Variants in WDR17 observed in about 807,000 individuals in gnomAD.
WDR17 encodes WD repeat-containing protein 17.
Under a neutral mutation model 161.7 loss-of-function variants are expected in WDR17, and 143 were observed. That is an observed-to-expected ratio of 0.88 (90% CI 0.77 to 1.02). WDR17 has a LOEUF of 1.02. WDR17 is among the 50% of genes least tolerant of loss of function. WDR17 has a pLI of 0.00. For synonymous variants in WDR17, 517 were observed against 515.6 expected (o/e 1.00, Z -0.04); for missense variants, 1,469 against 1,520.9 (o/e 0.97, Z 0.57).
At chr4:176,079,528 C>G (rs1329701595) in intron 1 of WDR17, among the ~76,000 whole-genome samples, 1 of 152,074 alleles carries the variant, frequency 6.6e-6, no homozygotes. Context: ...ACTAAAATGT[C>G]AACATACACA....
At chr4:176,114,527 A>G (rs1740282144) in intron 2 of WDR17, among the ~76,000 whole-genome samples, 1 of 152,108 alleles carries the variant, frequency 6.6e-6, no homozygotes, top group African/African-American at 2.4e-5. Context: ...TATTCTTTCA[A>G]TATTAACTGA....
At chr4:176,113,210 C>T (rs1000847139) in intron 2 of WDR17, among the ~76,000 whole-genome samples, 4 of 151,982 alleles carry the variant, frequency 2.6e-5, no homozygotes, top group Non-Finnish European at 5.9e-5. Context: ...CCCACCTACA[C>T]AATTTCTCTC....
chr4:176,082,791 A>G (rs1734915636), intron 1 of WDR17, among the ~76,000 whole-genome samples: 1 of 150,248 alleles, frequency 6.7e-6, no homozygotes, highest in South Asian at 2.1e-4. Flanking sequence ...ATTTTACAAA[A>G]TGCTTTTCAT....
chr4:176,098,960 AT>A (rs1737357073), intron 1 of WDR17, among the ~76,000 whole-genome samples: 1 of 152,090 alleles, frequency 6.6e-6, no homozygotes, highest in South Asian at 2.1e-4. Flanking sequence ...GGTACACCAA[AT>A]TTTATGTCAA....
At chr4:176,119,783 A>G (rs951800162) in intron 3 of WDR17, 84 bp from the exon 4 acceptor site, 2 of 1,195,208 alleles carry the variant, frequency 1.7e-6, no homozygotes, top group African/African-American at 3.1e-5. Flanking sequence ...AATTTGTTTT[A>G]GAAATGTAAA....
intron 1 of WDR17, among the ~76,000 whole-genome samples, chr4:176,085,254 T>G (rs1446676666): frequency 6.6e-6 from 1 of 152,116 alleles, no homozygotes; most frequent in Non-Finnish European, 1.5e-5. Context: ...ACTTTTTTGT[T>G]TAAGATTTTT....
intron 1 of WDR17, among the ~76,000 whole-genome samples, chr4:176,073,332 C>T (rs1056881757): frequency 1.4e-4 from 22 of 152,218 alleles, no homozygotes; most frequent in Admixed American, 1.4e-3. Context: ...TCAATTCCCA[C>T]CTATGAGTGA....
intron 18 of WDR17, among the ~76,000 whole-genome samples, chr4:176,158,472 C>A (rs2126840231): frequency 6.6e-6 from 1 of 152,284 alleles, no homozygotes; most frequent in East Asian, 1.9e-4. Flanking sequence ...AAAACAACAA[C>A]AACAGCAAAA....
rs779966222 is a variant in WDR17, at chr4:176,131,733, G to T, written c.1093G>T (p.Asp365Tyr). The change falls in exon 7 of 29, where the codon GAC becomes TAC. Residue 365 changes from aspartate (D) to tyrosine (Y), a missense_variant. Physicochemically the swap from Asp to Tyr is radical, Grantham distance 160 (BLOSUM62 -3). Transcript: ENST00000508596. ...MGAKKWDFLR[D>Y]LGHVETIFDC... ...AGCTAAGAAGTGGGATTTTCTTAGA[G>T]ACTTGGTATGTATGTAGTCATTCCT... 8 of 1,609,780 alleles carry T rather than the reference G, an allele frequency of 5.0e-6. No homozygotes were observed. The East Asian group carries it at 1.6e-4, about 32-fold the overall frequency.
At chr4:176,074,810 C>CTTTTTTTTTTTT (rs386357678) in intron 1 of WDR17, among the ~76,000 whole-genome samples, 134 of 79,176 alleles carry the variant, frequency 1.7e-3, no homozygotes, top group Non-Finnish European at 1.9e-3. Flanking sequence ...TTTTTTAATG[C>CTTTTTTTTTTTT]TTTTTTTTTT....
intron 1 of WDR17, 185 bp from the exon 2 acceptor site, chr4:176,111,390 C>G (rs553864904): frequency 6.9e-6 from 3 of 435,280 alleles, no homozygotes; most frequent in African/African-American, 4.1e-5. Flanking sequence ...AATTAGTTGC[C>G]TTGATGTCTG....
chr4:176,067,920 A>G lies in WDR17; in HGVS notation c.-7+1841A>G, dbSNP rs1393624642. 2.6e-5 allele frequency among the ~76,000 whole-genome samples: 4 copies of G among 152,236 alleles called. No homozygotes were observed. In the East Asian group the frequency reaches 7.7e-4, roughly 29 times the overall value. Reference sequence around the variant, plus strand: ...ATGAATGATTAGGTTGTCACTATTAATGAAATGTGTAAATTCTCCAGAGTA... The same window carrying G: ...ATGAATGATTAGGTTGTCACTATTAGTGAAATGTGTAAATTCTCCAGAGTA... On this transcript the variant is annotated intron_variant, in intron 1 of 28. Transcript: ENST00000508596.
chr4:176,089,231 C>T lies in WDR17; in HGVS notation c.-6-22344C>T, dbSNP rs113656066. On this transcript the variant is annotated intron_variant, in intron 1 of 28. Coordinates refer to ENST00000508596, the MANE Select transcript of WDR17 (RefSeq NM_181265.4). ...TTAGCATAAAATAAACGTACTCCCT[C>T]AGGGCTTCTTTTAGTTACAGTTTCT... Among the ~76,000 whole-genome samples the T allele has an allele frequency of 8.1e-3, 1,231 of 152,226 alleles. 29 individuals carry two copies. The highest frequency in any genetic ancestry group is 0.027 in the African/African-American group (1,135 of 41,532).
At chr4:176,089,385 A>C (rs900282715) in intron 1 of WDR17, among the ~76,000 whole-genome samples, 91 of 152,296 alleles carry the variant, frequency 6.0e-4, no homozygotes, top group African/African-American at 2.1e-3. Context: ...ATCATAGTTC[A>C]TTCTAATTAT....
At chr4:176,145,923 T>C in intron 11 of WDR17, 72 bp from the exon 12 acceptor site, 1 of 1,340,754 alleles carries the variant, frequency 7.5e-7, no homozygotes, top group Non-Finnish European at 1.0e-6. Flanking sequence ...AAATTAGAAC[T>C]ATGGTATACC....
chr4:176,147,586 T>G lies in WDR17; in HGVS notation c.1695-547T>G, dbSNP rs1746389196. On this transcript the variant is annotated intron_variant, in intron 12 of 28. Coordinates refer to ENST00000508596, the MANE Select transcript of WDR17 (RefSeq NM_181265.4). ...ACCCATCATCATACATGTTATACTT[T>G]TATAATTTACAAATCATCTTAATAT... Among the ~76,000 whole-genome samples, 3 of 152,204 alleles carry G rather than the reference T, an allele frequency of 2.0e-5. No individual in the cohort carries two copies. The South Asian group carries it at 6.2e-4, about 31-fold the overall frequency.
chr4:176,106,030 G>A (rs997815875), intron 1 of WDR17, among the ~76,000 whole-genome samples: 2 of 152,104 alleles, frequency 1.3e-5, no homozygotes, highest in African/African-American at 4.8e-5. Flanking sequence ...AACGTTATAA[G>A]ATAGTAGTAG....
In WDR17 at chr4:176,167,660, A is replaced by AAAAACAAC. The variant is rs1561210545; in HGVS notation, c.2991-1008_2991-1007insCAACAAAA. ...ACTCCGTCTCAAAAAAAAAAAAAAA[A>AAAAACAAC]AAAAAAAAAAAACAATATCTTGAAT... is the stretch of plus-strand genomic sequence containing the variant. On this transcript the variant is annotated intron_variant, in intron 22 of 28. Transcript: ENST00000508596. Among the ~76,000 whole-genome samples, 10 of 126,058 alleles carry AAAAACAAC rather than the reference A, an allele frequency of 7.9e-5. 1 individual carries two copies. The highest frequency in any genetic ancestry group is 7.4e-3 in the Middle Eastern group (2 of 270). The allele number at this position is 126,058 out of a possible 152,430, so 82.7% of individuals were successfully genotyped here. A position where few individuals can be genotyped will look rare whatever the true frequency, so the allele number is the denominator to read the frequency against.
intron 1 of WDR17, chr4:176,096,317 T>G: frequency 2.5e-6 from 1 of 404,976 alleles, no homozygotes; most frequent in Non-Finnish European, 4.4e-6. Context: ...TGTCGATTTC[T>G]TTCTTATTTT....
Sources: gnomAD v4.1 joint callset for allele counts (sites outside exome capture counted in the v4.1 genomes callset) on GRCh38, gnomAD v4.1.1 for gene constraint, MANE v1.5 for transcripts, NCBI Gene and HGNC (gene_info 2026-07-23, HGNC 2026-07-21) for gene names.